The following PCDHGA3 variants were observed in gnomAD, a reference collection of about 807,000 sequenced individuals.
The protein encoded by PCDHGA3 is protocadherin gamma-A3.
A neutral mutation model predicts 58.5 loss-of-function variants in PCDHGA3; 40 were observed. The ratio of observed to expected loss-of-function variants is 0.68; its 90% CI spans 0.53 to 0.89. The LOEUF is 0.89. PCDHGA3 is among the 40% of genes least tolerant of loss of function. The probability of loss-of-function intolerance (pLI) is 0.00; values close to 1 mark genes in which losing one functional copy is unlikely to be tolerated. For missense variants in PCDHGA3, 1,223 were observed against 1,195.9 expected (o/e 1.02, Z -0.33); for synonymous variants, 530 against 525.7 (o/e 1.01, Z -0.11).
chr5:141,421,102 T>A (rs1420706532), intron 1 of PCDHGA3: 2 of 691,286 alleles, frequency 2.9e-6, no homozygotes, highest in Admixed American at 6.2e-5. Context: ...CACTGGAGAC[T>A]TAGAAGTATT....
chr5:141,345,579 G>C lies in PCDHGA3; in HGVS notation c.1546G>C (p.Ala516Pro), dbSNP rs751237664. 5.6e-6 allele frequency: 9 copies of C among 1,614,042 alleles called. No individual in the cohort carries two copies. The highest frequency in any genetic ancestry group is 5.9e-6 in the Non-Finnish European group (7 of 1,180,044). Residue 516 changes from alanine (A) to proline (P), a missense_variant, in exon 1 of 4, where the codon GCG becomes CCG. Transcript: ENST00000253812. The stretch of plus-strand genomic sequence containing the variant: ...CAACTCCAACACTGGCGTCCTATAC[G>C]CGCTGAGATCCTTCGACTACGAGCA... ...SINSNTGVLY[A>P]LRSFDYEQFR...
chr5:141,395,542 TTGTGTGTGTGTGTGTGTGTG>T (rs55729045), intron 1 of PCDHGA3: 12 of 172,620 alleles, frequency 7.0e-5, no homozygotes, highest in Admixed American at 1.6e-4. Flanking sequence ...TTGCTATTGT[TTGTGTGTGTGTGTGTGTGTG>T]TGTGTGTGTG....
Position 141,393,354 on chromosome 5 carries a change from G to A in PCDHGA3, c.2424+46897G>A, listed in dbSNP as rs781276983. The A allele has an allele frequency of 2.4e-5, 39 of 1,613,824 alleles. No homozygotes were observed. The East Asian group carries it at 4.5e-4, about 18-fold the overall frequency. ...CAGCCCCAATCACCACTTCTCCCTG[G>A]ACGTGCAGACTGGAGACAATGGAGC... On this transcript the variant is annotated intron_variant, in intron 1 of 3. Coordinates refer to ENST00000253812, the MANE Select transcript of PCDHGA3 (RefSeq NM_018916.4).
intron 1 of PCDHGA3, chr5:141,384,146 C>T (rs369384722): frequency 6.2e-7 from 1 of 1,613,048 alleles, no homozygotes; most frequent in African/African-American, 1.3e-5. Context: ...GAAACACTCT[C>T]TTTGTATAAC....
chr5:141,412,592 C>T (rs1472116158), intron 1 of PCDHGA3: 1 of 152,048 alleles, frequency 6.6e-6, no homozygotes, highest in African/African-American at 2.4e-5. Context: ...TGAATGTATA[C>T]TAAATAAAAT....
chr5:141,356,110 T>A (rs1251778945), intron 1 of PCDHGA3: 1 of 1,613,716 alleles, frequency 6.2e-7, no homozygotes, highest in East Asian at 2.2e-5. Context: ...TATAACAATA[T>A]TGGGGGGTCT....
intron 1 of PCDHGA3, chr5:141,351,133 T>C: frequency 1.2e-6 from 2 of 1,614,002 alleles, no homozygotes; most frequent in Non-Finnish European, 1.7e-6. Flanking sequence ...TCAATCTCAA[T>C]CCAAATACTG....
intron 1 of PCDHGA3, chr5:141,375,512 C>T (rs1300082311): frequency 1.3e-5 from 21 of 1,613,936 alleles, no homozygotes; most frequent in Non-Finnish European, 1.7e-5. Flanking sequence ...TGTGAATGCA[C>T]TGGACCCTGA....
chr5:141,454,563 C>T (rs1056296059), intron 1 of PCDHGA3, among the ~76,000 whole-genome samples: 46 of 151,960 alleles, frequency 3.0e-4, no homozygotes, highest in Non-Finnish European at 4.9e-4. Context: ...TGTGCCACCA[C>T]GCCCGGCTAA....
At chr5:141,389,091 G>A (rs1303132964) in intron 1 of PCDHGA3, 1 of 1,614,038 alleles carries the variant, frequency 6.2e-7, no homozygotes, top group Non-Finnish European at 8.5e-7. Flanking sequence ...GTATAAATTA[G>A]TGACAGATGC....
chr5:141,399,538 T>G, intron 1 of PCDHGA3: 1 of 1,614,048 alleles, frequency 6.2e-7, no homozygotes, highest in Non-Finnish European at 8.5e-7. Context: ...CGCGCAAGTC[T>G]GCGCCTCGGA....
intron 1 of PCDHGA3, among the ~76,000 whole-genome samples, chr5:141,448,711 C>T (rs62379167): frequency 0.23 from 35,567 of 151,844 alleles, 4,336 homozygotes; most frequent in Admixed American, 0.32. Context: ...GAGGCCGAGG[C>T]GGGAGGATCA....
rs369886570 is a variant in PCDHGA3 at position 141,487,839 on chromosome 5, G to A, written c.2425-6968G>A. ...GGGGGCGGGTCATGCCTATATCTGAGTAAGAAATGAAAGTAATTGGTGATC... is the reference window on the plus strand; with the variant it reads ...GGGGGCGGGTCATGCCTATATCTGAATAAGAAATGAAAGTAATTGGTGATC... On this transcript the variant is annotated intron_variant, in intron 1 of 3. Transcript: ENST00000253812. The surrounding 1 kb of genome is among the most constrained non-coding windows in gnomAD (Gnocchi z 5.0). The A allele has an allele frequency of 2.7e-6, 3 of 1,103,412 alleles. No homozygotes were observed. Among genetic ancestry groups the A allele is most frequent in the African/African-American group, 1.6e-5 (1 of 63,054 alleles). The allele number at this position is 1,103,412 out of a possible 1,614,324, so 68.4% of individuals were successfully genotyped here.
chr5:141,366,945 A>G, intron 1 of PCDHGA3: 2 of 763,980 alleles, frequency 2.6e-6, no homozygotes, highest in East Asian at 5.7e-5. Flanking sequence ...TCTAGCTGAT[A>G]TCTGTAGACT....
At position 141,414,671 on chromosome 5, in the gene PCDHGA3, C is replaced by A. The variant is rs115280317; in HGVS notation, c.2424+68214C>A. On this transcript the variant is annotated intron_variant, in intron 1 of 3. Coordinates refer to ENST00000253812, the MANE Select transcript of PCDHGA3 (RefSeq NM_018916.4). ...ATTATTTACTCCCTGGCTGAAGACA[C>A]CATCCAGGGGGTACCTCTGTCCTCA... 857 of 1,613,966 alleles carry A rather than the reference C, an allele frequency of 5.3e-4. 9 individuals carry two copies. In the African/African-American group the frequency reaches 0.01, roughly 19 times the overall value.
intron 2 of PCDHGA3, among the ~76,000 whole-genome samples, chr5:141,497,643 G>A (rs773129390): frequency 6.6e-6 from 1 of 151,192 alleles, no homozygotes; most frequent in African/African-American, 2.4e-5. Context: ...AGGTTCAAGC[G>A]ATTCTCCTGC....
intron 1 of PCDHGA3, among the ~76,000 whole-genome samples, chr5:141,471,071 C>T (rs1208702673): frequency 7.7e-6 from 1 of 129,696 alleles, no homozygotes; most frequent in Non-Finnish European, 1.6e-5. Context: ...TTTTTTGAGA[C>T]AGGGTCTCCC....
chr5:141,351,047 G>T (rs1183474541), intron 1 of PCDHGA3: 2 of 1,614,054 alleles, frequency 1.2e-6, no homozygotes, highest in Admixed American at 3.3e-5. Flanking sequence ...GCGGGTGATG[G>T]CCACAGACCA....
intron 1 of PCDHGA3, chr5:141,392,647 C>A: frequency 1.5e-6 from 1 of 685,816 alleles, no homozygotes; most frequent in Non-Finnish European, 2.3e-6. Flanking sequence ...CTCACGAAGA[C>A]CCGCAGATGC....
Sources: gnomAD v4.1 joint callset for allele counts (sites outside exome capture counted in the v4.1 genomes callset) on GRCh38, gnomAD v4.1.1 for gene constraint, Gnocchi (gnomAD v3.1) non-coding constraint, MANE v1.5 for transcripts, NCBI Gene and HGNC (gene_info 2026-07-23, HGNC 2026-07-21) for gene names.